The following CIMAP3 variants were observed in gnomAD, a reference collection of about 807,000 sequenced individuals.
The protein encoded by CIMAP3 is ciliary microtubule-associated protein 3.
chr1:111,340,542 C>T, the CIMAP3 span, among the ~76,000 whole-genome samples: 16 of 151,840 alleles, frequency 1.1e-4, no homozygotes, highest in East Asian at 7.7e-4. Context: ...AAAAAGTGGG[C>T]GAAGGACATG....
the CIMAP3 span, among the ~76,000 whole-genome samples, chr1:111,328,437 T>A: frequency 6.6e-6 from 1 of 152,246 alleles, no homozygotes; most frequent in South Asian, 2.1e-4. Context: ...TGTCTAATAC[T>A]GTCAGTGGAC....
chr1:111,350,795 A>T, the CIMAP3 span, among the ~76,000 whole-genome samples: 2 of 152,044 alleles, frequency 1.3e-5, no homozygotes, highest in Non-Finnish European at 2.9e-5. Context: ...TAAGGTTATA[A>T]AGAAAATGTG....
At chr1:111,340,449 C>T in the CIMAP3 span, among the ~76,000 whole-genome samples, 1 of 151,932 alleles carries the variant, frequency 6.6e-6, no homozygotes, top group Non-Finnish European at 1.5e-5. Flanking sequence ...ATTTTCGCAA[C>T]CTACTCATCT....
At chr1:111,333,912 G>T in the CIMAP3 span, among the ~76,000 whole-genome samples, 1 of 152,154 alleles carries the variant, frequency 6.6e-6, no homozygotes, top group Non-Finnish European at 1.5e-5. Context: ...GAGCTGGAAG[G>T]CCTGGTCTGT....
the CIMAP3 span, among the ~76,000 whole-genome samples, chr1:111,336,348 G>A: frequency 1.4e-4 from 21 of 152,342 alleles, no homozygotes; most frequent in African/African-American, 4.6e-4. Flanking sequence ...AAAGCTGGAC[G>A]GAGAATGACT....
At chr1:111,346,518 G>T in the CIMAP3 span, 1 of 1,410,592 alleles carries the variant, frequency 7.1e-7, no homozygotes, top group Non-Finnish European at 9.6e-7. Flanking sequence ...GTAGTGGCTC[G>T]GTGGACGCCC....
the CIMAP3 span, among the ~76,000 whole-genome samples, chr1:111,334,074 T>C: frequency 2.9e-4 from 44 of 152,346 alleles, no homozygotes; most frequent in African/African-American, 9.6e-4. Flanking sequence ...GAAAACAATG[T>C]TCACATTATT....
the CIMAP3 span, chr1:111,346,877 T>C: frequency 1.2e-6 from 2 of 1,608,852 alleles, no homozygotes; most frequent in Non-Finnish European, 1.7e-6. Flanking sequence ...CCAGGTGCCG[T>C]CCCTCACGTG....
At chr1:111,329,545 ATATATAT>A in the CIMAP3 span, among the ~76,000 whole-genome samples, 1 of 61,726 alleles carries the variant, frequency 1.6e-5, no homozygotes, top group Admixed American at 1.3e-4. Flanking sequence ...ATATATATAT[ATATATAT>A]ATATATAATT....
the CIMAP3 span, among the ~76,000 whole-genome samples, chr1:111,333,733 TC>T: frequency 1.3e-5 from 2 of 152,140 alleles, no homozygotes; most frequent in Non-Finnish European, 2.9e-5. Context: ...GCATCTTTGC[TC>T]CCCCACTGTA....
At chr1:111,350,546 T>C in the CIMAP3 span, among the ~76,000 whole-genome samples, 6 of 152,210 alleles carry the variant, frequency 3.9e-5, no homozygotes, top group African/African-American at 1.2e-4. Flanking sequence ...CAGGTTTCAC[T>C]ACTGGAATCT....
the CIMAP3 span, among the ~76,000 whole-genome samples, chr1:111,344,360 C>T: frequency 6.6e-6 from 1 of 152,198 alleles, no homozygotes; most frequent in African/African-American, 2.4e-5. Flanking sequence ...TTCCCCTTCT[C>T]CATGGCCAAC....
At chr1:111,349,582 C>T in the CIMAP3 span, 2 of 152,548 alleles carry the variant, frequency 1.3e-5, no homozygotes, top group African/African-American at 4.8e-5. Flanking sequence ...TCTTGACCCC[C>T]AAGTCCAGTC....
the CIMAP3 span, among the ~76,000 whole-genome samples, chr1:111,338,040 T>C: frequency 6.7e-6 from 1 of 148,638 alleles, no homozygotes; most frequent in African/African-American, 2.5e-5. Flanking sequence ...GGATTAAGAA[T>C]CTCACTCAAA....
the CIMAP3 span, among the ~76,000 whole-genome samples, chr1:111,348,052 G>A: frequency 6.6e-6 from 1 of 152,150 alleles, no homozygotes; most frequent in Non-Finnish European, 1.5e-5. Context: ...TTAAACATTC[G>A]AAGCTTGTGT....
At chr1:111,341,065 G>T in the CIMAP3 span, among the ~76,000 whole-genome samples, 2 of 151,256 alleles carry the variant, frequency 1.3e-5, no homozygotes, top group Admixed American at 6.6e-5. Flanking sequence ...TAGGGACATG[G>T]ATGAAATTGG....
At chr1:111,327,990 A>T in the CIMAP3 span, among the ~76,000 whole-genome samples, 1 of 152,292 alleles carries the variant, frequency 6.6e-6, no homozygotes, top group South Asian at 2.1e-4. Context: ...ATTTAATGCT[A>T]TGAATTTTCC....
At chr1:111,346,567 C>A in the CIMAP3 span, 1 of 1,601,242 alleles carries the variant, frequency 6.2e-7, no homozygotes, top group Non-Finnish European at 8.5e-7. Flanking sequence ...CTCTCCCCCT[C>A]CCCGCGCTCC....
the CIMAP3 span, chr1:111,351,419 C>T: frequency 8.6e-7 from 1 of 1,166,696 alleles, no homozygotes; most frequent in Non-Finnish European, 1.2e-6. Flanking sequence ...TTACTGTGGC[C>T]CTCTTGTCTG....
Sources: gnomAD v4.1 joint callset for allele counts (sites outside exome capture counted in the v4.1 genomes callset) on GRCh38, gnomAD v4.1.1 for gene constraint, MANE v1.5 for transcripts, NCBI Gene and HGNC (gene_info 2026-07-23, HGNC 2026-07-21) for gene names.